SYCP1: variants seen among roughly 807,000 people sequenced by gnomAD.
SYCP1 encodes the protein synaptonemal complex protein 1.
In SYCP1, 64 loss-of-function variants were observed where a neutral mutation model predicts 153.1. That is an observed-to-expected ratio of 0.42 (90% CI 0.34 to 0.51). The LOEUF (loss-of-function observed/expected upper bound fraction) is 0.51, where lower values mean the gene tolerates loss of function less well. SYCP1 is among the 20% of genes least tolerant of loss of function. The probability of loss-of-function intolerance (pLI) is 0.06; values close to 1 mark genes in which losing one functional copy is unlikely to be tolerated. For synonymous variants in SYCP1, 384 were observed against 341.8 expected (o/e 1.12, Z -1.36); for missense variants, 997 against 1,049.0 (o/e 0.95, Z 0.68).
intron 20 of SYCP1, among the ~76,000 whole-genome samples, chr1:114,916,669 T>A (rs1275376280): frequency 1.3e-5 from 2 of 151,550 alleles, no homozygotes; most frequent in African/African-American, 4.8e-5. Flanking sequence ...TTTATTGATT[T>A]GCTTAAGCTT....
chr1:114,902,713 C>G (rs1359180107), intron 16 of SYCP1, among the ~76,000 whole-genome samples: 1 of 144,710 alleles, frequency 6.9e-6, no homozygotes, highest in African/African-American at 2.9e-5. Context: ...ATCAGAATGT[C>G]TTGATTGGTG....
intron 23 of SYCP1, among the ~76,000 whole-genome samples, chr1:114,942,479 T>C (rs564009018): frequency 1.3e-4 from 20 of 151,988 alleles, no homozygotes; most frequent in African/African-American, 4.8e-4. Context: ...ATTGTATAGC[T>C]AAGGTAATTA....
At chr1:114,883,787 G>C (rs1666109963) in intron 12 of SYCP1, among the ~76,000 whole-genome samples, 1 of 152,168 alleles carries the variant, frequency 6.6e-6, no homozygotes, top group African/African-American at 2.4e-5. Flanking sequence ...CCGCCTTCCT[G>C]GTTCAGGTGA....
chr1:114,881,987 A>G (rs917855578), intron 12 of SYCP1, among the ~76,000 whole-genome samples: 4 of 152,200 alleles, frequency 2.6e-5, no homozygotes, highest in Admixed American at 2.0e-4. Context: ...ATTCTCAACA[A>G]TAATCTCTTC....
In SYCP1 at chr1:114,874,527, C is replaced by A; in HGVS notation, c.620C>A (p.Thr207Asn). 1 of 1,573,572 alleles carries A rather than the reference C, an allele frequency of 6.4e-7. No individual in the cohort carries two copies. The highest frequency in any genetic ancestry group is 8.6e-7 in the Non-Finnish European group (1 of 1,156,456). The change falls in exon 9 of 32, where the codon ACC becomes AAC. Residue 207 changes from threonine to asparagine, a missense_variant. Thr to Asn is a moderately conservative substitution (Grantham distance 65). Transcript: ENST00000369522. ...ATAGATGAATATGAACGGGAAGAAA[C>A]CAGGCAAGTTTATATGGATCTAAAT... ...TKKYEYEREE[T>N]RQVYMDLNNN...
intron 27 of SYCP1, among the ~76,000 whole-genome samples, chr1:114,969,478 A>T (rs1264251421): frequency 1.3e-5 from 2 of 151,386 alleles, no homozygotes; most frequent in Non-Finnish European, 2.9e-5. Context: ...GTAATGGTGG[A>T]CTCCCCTCCA....
chr1:114,982,203 A>G (rs1412809123), intron 29 of SYCP1, among the ~76,000 whole-genome samples: 1 of 152,008 alleles, frequency 6.6e-6, no homozygotes. Context: ...TAACTAGGGA[A>G]TGAGATGCCA....
At chr1:114,882,745 CT>C (rs977884258) in intron 12 of SYCP1, among the ~76,000 whole-genome samples, 8 of 152,116 alleles carry the variant, frequency 5.3e-5, no homozygotes, top group African/African-American at 9.6e-5. Flanking sequence ...GAAGGATTTG[CT>C]TTTTTTCCCC....
At chr1:114,975,273 T>G (rs1672735409) in intron 27 of SYCP1, among the ~76,000 whole-genome samples, 1 of 151,634 alleles carries the variant, frequency 6.6e-6, no homozygotes, top group Non-Finnish European at 1.5e-5. Flanking sequence ...AATAATGTTT[T>G]TGTCATCTTA....
chr1:114,935,258 C>T (rs1669920017), intron 23 of SYCP1, among the ~76,000 whole-genome samples: 1 of 152,188 alleles, frequency 6.6e-6, no homozygotes, highest in Non-Finnish European at 1.5e-5. Context: ...GAAACTCACT[C>T]AAAACCACTC....
At chr1:114,891,426 A>C (rs1666696885) in intron 15 of SYCP1, among the ~76,000 whole-genome samples, 1 of 152,190 alleles carries the variant, frequency 6.6e-6, no homozygotes, top group Non-Finnish European at 1.5e-5. Context: ...CTATGTGGCA[A>C]ATTTAAGAGG....
At chr1:114,857,377 A>G in intron 4 of SYCP1, 67 bp from the exon 5 acceptor site, 1 of 1,528,580 alleles carries the variant, frequency 6.5e-7, no homozygotes, top group Non-Finnish European at 8.9e-7. Context: ...AGTCTTCTGT[A>G]TTTAATTGTT....
At chr1:114,964,669 A>G (rs1461802018) in intron 27 of SYCP1, among the ~76,000 whole-genome samples, 3 of 152,150 alleles carry the variant, frequency 2.0e-5, no homozygotes, top group Non-Finnish European at 4.4e-5. Flanking sequence ...CATGTTTGTC[A>G]AAGATCAGAT....
At chr1:114,886,065 C>T in intron 13 of SYCP1, 60 bp from the exon 14 acceptor site, 2 of 1,157,146 alleles carry the variant, frequency 1.7e-6, no homozygotes, top group South Asian at 1.8e-5. Flanking sequence ...CAGATAAGTT[C>T]AGCTTTTTTG....
rs781567716 is a variant in SYCP1 at position 114,858,667 on chromosome 1, A to G, written c.412A>G (p.Arg138Gly). Residue 138 changes from arginine (R) to glycine (G), a missense_variant, in exon 6 of 32, where the codon AGA becomes GGA. Around this residue, in one of 2 missense-constraint regions of SYCP1, gnomAD observed 285 missense variants for 366.1 expected, o/e 0.78. Transcript: ENST00000369522. Reference protein sequence around the residue: ...RQKESKLQENRKIIEAQRKAI... With the variant: ...RQKESKLQENGKIIEAQRKAI... Reference sequence around the variant, plus strand: ...GAAAGAAAGTAAGTTGCAAGAAAACAGAAAGATAATTGAAGCACAGCGAAA... The same window carrying G: ...GAAAGAAAGTAAGTTGCAAGAAAACGGAAAGATAATTGAAGCACAGCGAAA... The G allele has an allele frequency of 3.1e-6, 5 of 1,612,440 alleles. No homozygotes were observed. The highest frequency in any genetic ancestry group is 4.2e-6 in the Non-Finnish European group (5 of 1,179,372).
At chr1:114,874,879 T>TC (rs1443514218) in intron 9 of SYCP1, among the ~76,000 whole-genome samples, 15 of 152,198 alleles carry the variant, frequency 9.9e-5, no homozygotes, top group African/African-American at 3.6e-4. Context: ...TGTGTCTGGC[T>TC]TCTGTTTACC....
chr1:114,942,493 C>A (rs1371496286), intron 23 of SYCP1, among the ~76,000 whole-genome samples: 1 of 151,798 alleles, frequency 6.6e-6, no homozygotes, highest in African/African-American at 2.4e-5. Flanking sequence ...GTAATTAAGA[C>A]AGTATGACAC....
intron 27 of SYCP1, among the ~76,000 whole-genome samples, chr1:114,950,843 AGTCTCAC>A (rs60548130): frequency 0.49 from 72,959 of 147,934 alleles, 19,282 homozygotes; most frequent in Middle Eastern, 0.61. Flanking sequence ...TTTGAGACAG[AGTCTCAC>A]GTCTCACTCT....
intron 30 of SYCP1, among the ~76,000 whole-genome samples, chr1:114,990,991 T>C (rs767986260): frequency 2.6e-5 from 4 of 151,960 alleles, no homozygotes; most frequent in Non-Finnish European, 5.9e-5. Flanking sequence ...GCCCTACGCA[T>C]CTCTTTATCT....
Sources: allele counts gnomAD v4.1 joint callset (sites outside exome capture counted in the v4.1 genomes callset), GRCh38; gene constraint gnomAD v4.1.1; regional missense constraint gnomAD v4.1.1; transcripts MANE v1.5; gene names NCBI Gene and HGNC (gene_info 2026-07-23, HGNC 2026-07-21).